The following GAD2 variants were observed in gnomAD, a reference collection of about 807,000 sequenced individuals.
GAD2 encodes the protein 65 kDa glutamic acid decarboxylase.
Under a neutral mutation model 80.1 loss-of-function variants are expected in GAD2, and 22 were observed. The ratio of observed to expected loss-of-function variants is 0.27; its 90% CI spans 0.20 to 0.39. The LOEUF (loss-of-function observed/expected upper bound fraction) is 0.39, where lower values mean the gene tolerates loss of function less well. Ranked by LOEUF, GAD2 falls within the 10% of genes least tolerant of loss-of-function variation. GAD2 has a pLI of 1.00. For missense variants in GAD2, 624 were observed against 738.4 expected (o/e 0.85, Z 1.80); for synonymous variants, 274 against 256.9 (o/e 1.07, Z -0.64).
chr10:26,268,211 G>A (rs1393332829), intron 8 of GAD2, among the ~76,000 whole-genome samples: 4 of 152,224 alleles, frequency 2.6e-5, no homozygotes, highest in South Asian at 2.1e-4. Flanking sequence ...GCTTACGCCT[G>A]TAATCCCAGC....
chr10:26,273,628 T>C lies in GAD2; in HGVS notation c.1093-8T>C. 1 of 1,613,256 alleles carries C rather than the reference T, an allele frequency of 6.2e-7. No individual in the cohort carries two copies. The highest frequency in any genetic ancestry group is 1.1e-5 in the South Asian group (1 of 90,974). ...TGCTACCATTTTCCTCATATGATTTTTTTTCAGGCAGCTTGGGGTGGGGGA... is the reference window on the plus strand; with the variant it reads ...TGCTACCATTTTCCTCATATGATTTCTTTTCAGGCAGCTTGGGGTGGGGGA... On this transcript the variant is annotated splice_region_variant and splice_polypyrimidine_tract_variant and intron_variant, in intron 10 of 15. Transcript: ENST00000376261.
At chr10:26,261,840 C>G (rs1036797770) in intron 8 of GAD2, among the ~76,000 whole-genome samples, 2 of 151,980 alleles carry the variant, frequency 1.3e-5, no homozygotes, top group Non-Finnish European at 2.9e-5. Flanking sequence ...CATAAAATGC[C>G]TTTTAGACAT....
intron 10 of GAD2, among the ~76,000 whole-genome samples, chr10:26,272,464 T>C (rs1479244051): frequency 2.0e-5 from 3 of 152,228 alleles, no homozygotes; most frequent in Admixed American, 2.0e-4. Flanking sequence ...CTTTGAAACA[T>C]ACCAAGTTTA....
intron 7 of GAD2, among the ~76,000 whole-genome samples, chr10:26,245,499 G>A (rs916473402): frequency 2.6e-5 from 4 of 151,294 alleles, no homozygotes; most frequent in Non-Finnish European, 5.9e-5. Context: ...GTGCAATGGC[G>A]CAATCTTGGC....
intron 8 of GAD2, among the ~76,000 whole-genome samples, chr10:26,265,209 T>C (rs1349833910): frequency 1.3e-5 from 2 of 151,226 alleles, no homozygotes; most frequent in African/African-American, 2.4e-5. Context: ...ATACGACTTT[T>C]TTTTTTTTTT....
chr10:26,224,796 G>C, intron 6 of GAD2, 145 bp downstream of exon 6: 2 of 622,330 alleles, frequency 3.2e-6, no homozygotes, highest in Non-Finnish European at 5.6e-6. Flanking sequence ...CTGTGATTAA[G>C]TGCACATGAC....
chr10:26,252,182 A>AT (rs1379002755), intron 8 of GAD2, among the ~76,000 whole-genome samples: 2 of 152,234 alleles, frequency 1.3e-5, no homozygotes, highest in East Asian at 3.9e-4. Context: ...CCTACCACAC[A>AT]TTAGTCTATC....
chr10:26,290,580 AG>A (rs1375740569), intron 13 of GAD2, among the ~76,000 whole-genome samples: 1 of 152,236 alleles, frequency 6.6e-6, no homozygotes, highest in African/African-American at 2.4e-5. Flanking sequence ...AGCCTGAACT[AG>A]GGTGATAGCA....
intron 6 of GAD2, among the ~76,000 whole-genome samples, chr10:26,229,172 C>T (rs56985938): frequency 0.013 from 1,951 of 147,696 alleles, 48 homozygotes; most frequent in African/African-American, 0.046. Context: ...CCAGCCTGGG[C>T]GACAGAGTGA....
rs188731099 is a variant in GAD2 at position 26,218,080 on chromosome 10, G to A, written c.286+89G>A. 1.9e-5 allele frequency: 26 copies of A among 1,369,010 alleles called. No homozygotes were observed. The East Asian group carries it at 6.3e-4, about 33-fold the overall frequency. The allele number at this position is 1,369,010 out of a possible 1,614,324, so 84.8% of individuals were successfully genotyped here. On this transcript the variant is annotated intron_variant, in intron 3 of 15. Coordinates refer to ENST00000376261, the MANE Select transcript of GAD2 (RefSeq NM_001134366.2). ...CGGTGCGGGTCCGGCGCTGAGAGCC[G>A]GACAGGGGCGTCGAGGTGGCAGCGG... is the stretch of plus-strand genomic sequence containing the variant.
intron 3 of GAD2, 148 bp from the exon 4 acceptor site, chr10:26,218,893 TCC>T: frequency 1.9e-6 from 1 of 538,046 alleles, no homozygotes. Context: ...GAAAAATGTC[TCC>T]CTTTTAAAGA....
intron 7 of GAD2, among the ~76,000 whole-genome samples, chr10:26,245,070 T>C (rs1844787777): frequency 6.7e-6 from 1 of 148,154 alleles, no homozygotes; most frequent in Admixed American, 6.9e-5. Context: ...GGAGAATCAC[T>C]GGAACCCGGG....
At chr10:26,242,846 C>A (rs1226836545) in intron 7 of GAD2, among the ~76,000 whole-genome samples, 2 of 152,208 alleles carry the variant, frequency 1.3e-5, no homozygotes, top group African/African-American at 4.8e-5. Flanking sequence ...TGCACCAGAT[C>A]TCTTACTTAT....
At chr10:26,231,252 T>G (rs1220326681) in intron 7 of GAD2, among the ~76,000 whole-genome samples, 1 of 152,140 alleles carries the variant, frequency 6.6e-6, no homozygotes, top group Non-Finnish European at 1.5e-5. Context: ...TCAGGGCTCC[T>G]GTAAGGAAAT....
chr10:26,234,752 T>C (rs909410060), intron 7 of GAD2, among the ~76,000 whole-genome samples: 8 of 152,338 alleles, frequency 5.3e-5, no homozygotes, highest in African/African-American at 1.4e-4. Context: ...GAGATTAGCA[T>C]AGTGGCCAGC....
At chr10:26,281,520 A>T (rs1006312351) in intron 12 of GAD2, among the ~76,000 whole-genome samples, 8 of 152,154 alleles carry the variant, frequency 5.3e-5, no homozygotes, top group Non-Finnish European at 1.0e-4. Context: ...ATGTATATGT[A>T]TGTGTGCATG....
intron 3 of GAD2, 70 bp from the exon 4 acceptor site, chr10:26,218,973 C>T: frequency 8.8e-7 from 1 of 1,132,740 alleles, no homozygotes; most frequent in Non-Finnish European, 1.2e-6. Flanking sequence ...ATGTTATTGC[C>T]TCATCAAGAT....
At chr10:26,287,107 G>A (rs1845342731) in intron 13 of GAD2, among the ~76,000 whole-genome samples, 1 of 152,174 alleles carries the variant, frequency 6.6e-6, no homozygotes, top group African/African-American at 2.4e-5. Context: ...AGACTTAATT[G>A]TAGCTTTCCA....
intron 7 of GAD2, among the ~76,000 whole-genome samples, chr10:26,232,753 T>G (rs1465038065): frequency 2.0e-5 from 3 of 152,166 alleles, no homozygotes; most frequent in Non-Finnish European, 2.9e-5. Context: ...TCCATCCGCC[T>G]TCACCTCCCA....
Sources: allele counts gnomAD v4.1 joint callset (sites outside exome capture counted in the v4.1 genomes callset), GRCh38; gene constraint gnomAD v4.1.1; transcripts MANE v1.5; gene names NCBI Gene and HGNC (gene_info 2026-07-23, HGNC 2026-07-21).